Variants in LRRC4C observed in about 807,000 individuals in gnomAD.
LRRC4C encodes leucine-rich repeat-containing protein 4C.
In LRRC4C, 5 loss-of-function variants were observed where a neutral mutation model predicts 33.6. The ratio of observed to expected loss-of-function variants is 0.15; its 90% CI spans 0.08 to 0.31. LRRC4C has a LOEUF of 0.31. Ranked by LOEUF, LRRC4C falls within the 10% of genes least tolerant of loss-of-function variation. The pLI is 1.00. For synonymous variants in LRRC4C, 329 were observed against 302.0 expected (o/e 1.09, Z -0.93); for missense variants, 560 against 796.7 (o/e 0.70, Z 3.58).
At chr11:40,772,966 A>G (rs1299022029) in intron 2 of LRRC4C, among the ~76,000 whole-genome samples, 2 of 152,202 alleles carry the variant, frequency 1.3e-5, no homozygotes, top group African/African-American at 4.8e-5. Context: ...CCATCAACAG[A>G]TGAATTAATA....
rs540218469 is a variant in LRRC4C at position 41,250,670 on chromosome 11, T to C, written c.-496+208761A>G. 7.9e-5 allele frequency among the ~76,000 whole-genome samples: 12 copies of C among 152,324 alleles called. No homozygotes were observed. In the South Asian group the frequency reaches 2.5e-3, roughly 32 times the overall value. On this transcript the variant is annotated intron_variant, in intron 1 of 6. Transcript: ENST00000528697. ...GTGAATCCATAAGGCACATGCTCAG[T>C]ACGTTTGGCTGAGTGTTCTGCTCCC...
At chr11:40,207,307 G>T (rs1262201831) in intron 5 of LRRC4C, among the ~76,000 whole-genome samples, 1 of 152,140 alleles carries the variant, frequency 6.6e-6, no homozygotes, top group African/African-American at 2.4e-5. Flanking sequence ...TGTGCATAAA[G>T]CCAGGCATTA....
At chr11:41,458,606 G>A (rs993512957) in intron 1 of LRRC4C, among the ~76,000 whole-genome samples, 2 of 151,906 alleles carry the variant, frequency 1.3e-5, no homozygotes, top group African/African-American at 4.8e-5. Context: ...AAGAGACTGA[G>A]TTAGGCAAGA....
intron 1 of LRRC4C, among the ~76,000 whole-genome samples, chr11:41,067,096 G>A (rs1000745759): frequency 5.3e-5 from 8 of 152,104 alleles, no homozygotes; most frequent in African/African-American, 9.6e-5. Flanking sequence ...TGGTTTTAAC[G>A]GCCCAATTAA....
intron 1 of LRRC4C, among the ~76,000 whole-genome samples, chr11:41,293,172 T>C (rs1308197450): frequency 1.3e-5 from 2 of 152,204 alleles, no homozygotes; most frequent in East Asian, 3.9e-4. Flanking sequence ...GATCCAAATG[T>C]TATTTTAAAC....
At chr11:40,181,748 G>C (rs1861021578) in intron 5 of LRRC4C, among the ~76,000 whole-genome samples, 1 of 152,164 alleles carries the variant, frequency 6.6e-6, no homozygotes, top group African/African-American at 2.4e-5. Flanking sequence ...GCTTAATAGG[G>C]AGTTAGATGA....
At chr11:40,799,045 A>C (rs1248134587) in intron 2 of LRRC4C, among the ~76,000 whole-genome samples, 1 of 152,216 alleles carries the variant, frequency 6.6e-6, no homozygotes, top group Non-Finnish European at 1.5e-5. Flanking sequence ...TGTTCTCACA[A>C]TTCTTCTTTG....
At chr11:41,101,792 T>A (rs1316775592) in intron 1 of LRRC4C, among the ~76,000 whole-genome samples, 1 of 152,012 alleles carries the variant, frequency 6.6e-6, no homozygotes. Context: ...GTGGTACATA[T>A]ACATCACAGC....
intron 1 of LRRC4C, among the ~76,000 whole-genome samples, chr11:41,136,876 T>C (rs1943286052): frequency 6.6e-6 from 1 of 152,188 alleles, no homozygotes; most frequent in Non-Finnish European, 1.5e-5. Flanking sequence ...AGGAAAAGCC[T>C]TAACTTTAAG....
chr11:41,037,755 A>G (rs1038330785), intron 1 of LRRC4C, among the ~76,000 whole-genome samples: 1 of 152,128 alleles, frequency 6.6e-6, no homozygotes, highest in Non-Finnish European at 1.5e-5. Context: ...ACTGGCTTTA[A>G]TTTGAAGTAC....
At chr11:40,841,966 G>C (rs994257233) in intron 2 of LRRC4C, among the ~76,000 whole-genome samples, 1 of 152,130 alleles carries the variant, frequency 6.6e-6, no homozygotes, top group Non-Finnish European at 1.5e-5. Context: ...ATTGGTACAT[G>C]CCTGTTCCCA....
At chr11:40,419,926 C>T (rs1950462787) in intron 3 of LRRC4C, among the ~76,000 whole-genome samples, 1 of 152,168 alleles carries the variant, frequency 6.6e-6, no homozygotes, top group African/African-American at 2.4e-5. Context: ...TGGTGAACTT[C>T]TGATGAATCT....
intron 2 of LRRC4C, among the ~76,000 whole-genome samples, chr11:40,888,916 AAATT>A (rs1341911286): frequency 6.6e-6 from 1 of 151,996 alleles, no homozygotes; most frequent in African/African-American, 2.4e-5. Context: ...ATTCTGAACT[AAATT>A]AATACATTAA....
intron 2 of LRRC4C, among the ~76,000 whole-genome samples, chr11:40,751,261 T>C (rs373043281): frequency 9.9e-5 from 15 of 152,182 alleles, no homozygotes; most frequent in African/African-American, 2.7e-4. Context: ...CTTGATGTCC[T>C]AGCCAGATAA....
intron 2 of LRRC4C, among the ~76,000 whole-genome samples, chr11:40,810,648 T>C (rs1291641124): frequency 2.0e-5 from 3 of 152,124 alleles, no homozygotes; most frequent in Admixed American, 6.6e-5. Context: ...CTTCTTCAAA[T>C]CAGAAAAGGG....
intron 3 of LRRC4C, among the ~76,000 whole-genome samples, chr11:40,486,438 G>A (rs1028521163): frequency 5.3e-5 from 8 of 151,984 alleles, no homozygotes; most frequent in Admixed American, 5.3e-4. Context: ...GGAAATTATT[G>A]TAGGTTAAAA....
intron 5 of LRRC4C, among the ~76,000 whole-genome samples, chr11:40,204,749 G>A (rs148935785): frequency 2.0e-5 from 3 of 152,158 alleles, no homozygotes; most frequent in East Asian, 1.9e-4. Context: ...AACCCTTCCC[G>A]TTCTTCAGCA....
intron 4 of LRRC4C, among the ~76,000 whole-genome samples, chr11:40,315,352 T>G (rs1945524709): frequency 6.6e-6 from 1 of 151,932 alleles, no homozygotes. Context: ...TATTTTATTC[T>G]CCTAGTTTAT....
chr11:40,498,326 A>T (rs906643137), intron 3 of LRRC4C, among the ~76,000 whole-genome samples: 1 of 152,178 alleles, frequency 6.6e-6, no homozygotes, highest in African/African-American at 2.4e-5. Flanking sequence ...TATAGCACCC[A>T]AATTAAAAAT....
Sources: allele counts gnomAD v4.1 joint callset (sites outside exome capture counted in the v4.1 genomes callset), GRCh38; gene constraint gnomAD v4.1.1; transcripts MANE v1.5; gene names NCBI Gene and HGNC (gene_info 2026-07-23, HGNC 2026-07-21).